PTPRK: variants seen among roughly 807,000 people sequenced by gnomAD.
The protein encoded by PTPRK is receptor-type tyrosine-protein phosphatase kappa.
In PTPRK, 75 loss-of-function variants were observed where a neutral mutation model predicts 178.0. That is an observed-to-expected ratio of 0.42 (90% CI 0.35 to 0.51). The LOEUF (loss-of-function observed/expected upper bound fraction) is 0.51, where lower values mean the gene tolerates loss of function less well. Ranked by LOEUF, PTPRK falls within the 20% of genes least tolerant of loss-of-function variation. The pLI, the probability that PTPRK is intolerant of heterozygous loss-of-function variation, is 0.02. For missense variants in PTPRK, 1,441 were observed against 1,797.8 expected, an observed-to-expected ratio of 0.80 and a Z score of 3.59; for synonymous variants, 637 against 620.6, an observed-to-expected ratio of 1.03 and a Z score of -0.39.
chr6:128,306,859 G>A (rs1229654454), intron 3 of PTPRK, among the ~76,000 whole-genome samples: 1 of 152,098 alleles, frequency 6.6e-6, no homozygotes. Context: ...CTAATATGGT[G>A]TCAGCTGCAC....
At chr6:128,147,401 T>C (rs1410889978) in intron 7 of PTPRK, among the ~76,000 whole-genome samples, 1 of 152,150 alleles carries the variant, frequency 6.6e-6, no homozygotes, top group Non-Finnish European at 1.5e-5. Flanking sequence ...AAAACTTTAA[T>C]TCTTCTTTCA....
chr6:128,112,850 A>G (rs924928805), intron 7 of PTPRK, among the ~76,000 whole-genome samples: 2 of 152,136 alleles, frequency 1.3e-5, no homozygotes, highest in East Asian at 1.9e-4. Flanking sequence ...TTAACTGGGT[A>G]AATGCAGTTT....
intron 1 of PTPRK, among the ~76,000 whole-genome samples, chr6:128,453,846 G>A (rs1366845755): frequency 6.6e-6 from 1 of 152,116 alleles, no homozygotes; most frequent in Non-Finnish European, 1.5e-5. Flanking sequence ...AACTTAGTAT[G>A]CTGAAAACTG....
chr6:128,158,586 A>G (rs1042970829), intron 7 of PTPRK, among the ~76,000 whole-genome samples: 3 of 151,880 alleles, frequency 2.0e-5, no homozygotes, highest in Non-Finnish European at 2.9e-5. Context: ...TCCACAATAC[A>G]CAGACACTTC....
chr6:128,056,332 C>T (rs1173296969), intron 13 of PTPRK, among the ~76,000 whole-genome samples: 1 of 152,096 alleles, frequency 6.6e-6, no homozygotes, highest in Admixed American at 6.6e-5. Context: ...CTACTTACCA[C>T]CACAATTCAA....
intron 3 of PTPRK, among the ~76,000 whole-genome samples, chr6:128,245,520 T>C (rs1315982713): frequency 1.3e-5 from 2 of 152,182 alleles, no homozygotes; most frequent in Non-Finnish European, 1.5e-5. Context: ...CCCTTCCATC[T>C]GTCCCAATCA....
At chr6:128,345,548 T>C (rs1485451715) in intron 2 of PTPRK, among the ~76,000 whole-genome samples, 3 of 152,340 alleles carry the variant, frequency 2.0e-5, no homozygotes, top group African/African-American at 7.2e-5. Context: ...TATCGGCTAA[T>C]TGAATCACTG....
At chr6:128,308,795 T>C (rs1676392066) in intron 3 of PTPRK, among the ~76,000 whole-genome samples, 1 of 152,236 alleles carries the variant, frequency 6.6e-6, no homozygotes, top group African/African-American at 2.4e-5. Flanking sequence ...AGTTTTTCAC[T>C]GTCCTTCTGT....
At chr6:128,102,391 A>C (rs529519115) in intron 7 of PTPRK, among the ~76,000 whole-genome samples, 1 of 152,334 alleles carries the variant, frequency 6.6e-6, no homozygotes, top group Non-Finnish European at 1.5e-5. Flanking sequence ...TGTTGGAAAA[A>C]AGAGGTAAAT....
chr6:128,017,800 G>GTATATATATA (rs1383976165), intron 13 of PTPRK, among the ~76,000 whole-genome samples: 2 of 30,058 alleles, frequency 6.7e-5, no homozygotes, highest in South Asian at 2.8e-3. Flanking sequence ...AAATATATAT[G>GTATATATATA]TGTATATATA....
chr6:128,093,614 A>AG (rs1387952543), intron 7 of PTPRK, among the ~76,000 whole-genome samples: 4 of 148,890 alleles, frequency 2.7e-5, no homozygotes, highest in South Asian at 4.2e-4. Flanking sequence ...AAAAAAAAAA[A>AG]AAAAAAAAAC....
intron 13 of PTPRK, among the ~76,000 whole-genome samples, chr6:128,057,368 T>G (rs9482871): frequency 0.86 from 131,025 of 152,214 alleles, 56,567 homozygotes; most frequent in East Asian, 1. Context: ...ATTTGGGAGG[T>G]TTCCCATCAT....
At chr6:128,460,075 C>T (rs1039207361) in intron 1 of PTPRK, among the ~76,000 whole-genome samples, 10 of 152,096 alleles carry the variant, frequency 6.6e-5, no homozygotes, top group African/African-American at 2.4e-4. Flanking sequence ...TGAGAAAACT[C>T]CCCCATGATC....
At chr6:128,194,208 C>T (rs1258388684) in intron 6 of PTPRK, among the ~76,000 whole-genome samples, 2 of 151,540 alleles carry the variant, frequency 1.3e-5, no homozygotes, top group African/African-American at 4.8e-5. Flanking sequence ...GCCTCAGCCT[C>T]CCGAGTAGCT....
At chr6:128,513,843 C>T (rs970704412) in intron 1 of PTPRK, among the ~76,000 whole-genome samples, 1 of 152,174 alleles carries the variant, frequency 6.6e-6, no homozygotes, top group Non-Finnish European at 1.5e-5. Flanking sequence ...AGTGAGGAAT[C>T]CAATGACCAT....
At chr6:128,445,507 T>C (rs1016309064) in intron 1 of PTPRK, among the ~76,000 whole-genome samples, 1 of 150,142 alleles carries the variant, frequency 6.7e-6, no homozygotes, top group African/African-American at 2.4e-5. Flanking sequence ...AGTATATATA[T>C]GCTTACATAT....
intron 11 of PTPRK, 132 bp downstream of exon 11, chr6:128,078,681 T>C: frequency 2.0e-6 from 1 of 496,154 alleles, no homozygotes; most frequent in Non-Finnish European, 3.6e-6. Flanking sequence ...ATCATAGGTT[T>C]GCATATATAG....
chr6:128,470,926 T>A (rs1850565658), intron 1 of PTPRK, among the ~76,000 whole-genome samples: 3 of 149,898 alleles, frequency 2.0e-5, no homozygotes, highest in African/African-American at 2.4e-5. Context: ...TTTTTTTTTT[T>A]AAAGGAGAGA....
intron 1 of PTPRK, among the ~76,000 whole-genome samples, chr6:128,463,148 A>C (rs1170898662): frequency 1.3e-5 from 2 of 152,204 alleles, no homozygotes; most frequent in African/African-American, 4.8e-5. Context: ...AAAATATTTA[A>C]AAAACTGTAC....
Sources: allele counts gnomAD v4.1 joint callset (sites outside exome capture counted in the v4.1 genomes callset), GRCh38; gene constraint gnomAD v4.1.1; transcripts MANE v1.5; gene names NCBI Gene and HGNC (gene_info 2026-07-23, HGNC 2026-07-21).